MEDAG: variants seen among roughly 807,000 people sequenced by gnomAD.
MEDAG encodes the protein mesenteric estrogen-dependent adipogenesis protein.
MEDAG carries 25 observed loss-of-function variants against 29.9 expected under a neutral mutation model. The observed-to-expected ratio is 0.84, with a 90% confidence interval of 0.61 to 1.17. The LOEUF (loss-of-function observed/expected upper bound fraction) is 1.17. MEDAG is among the 50% of genes most tolerant of loss of function. The pLI is 0.00. For synonymous variants in MEDAG, 158 were observed against 148.2 expected (o/e 1.07, Z -0.48); for missense variants, 398 against 372.9 (o/e 1.07, Z -0.56).
intron 3 of MEDAG, 105 bp from the exon 4 acceptor site, chr13:30,921,456 A>T: frequency 9.5e-7 from 1 of 1,052,138 alleles, no homozygotes; most frequent in Non-Finnish European, 1.4e-6. Flanking sequence ...AGTGAAAGGG[A>T]AATAAGAGGT....
At chr13:30,917,128 C>T (rs189845281) in intron 1 of MEDAG, among the ~76,000 whole-genome samples, 1 of 152,212 alleles carries the variant, frequency 6.6e-6, no homozygotes, top group Non-Finnish European at 1.5e-5. Context: ...GCCCAAACGA[C>T]AGATGATACT....
chr13:30,906,644 G>T lies in MEDAG; in HGVS notation c.129G>T (p.Leu43=). The part of the protein sequence containing the change: ...ALLPLAQLLR[L]QPGAFQLSGD... ...TGCCGCTGGCTCAGCTGCTGCGCCT[G>T]CAGCCCGGTGCCTTCCAGCTGAGCG... Residue 43 remains leucine (L), a synonymous_variant, in exon 1 of 5, where the codon CTG becomes CTT. Transcript: ENST00000380482. 1 of 1,574,162 alleles carries T rather than the reference G, an allele frequency of 6.4e-7. No individual in the cohort carries two copies.
In MEDAG at chr13:30,924,674, T is replaced by C. The variant is rs1209126680; in HGVS notation, c.*239T>C. 2 of 373,794 alleles carry C rather than the reference T, an allele frequency of 5.4e-6. No homozygotes were observed. The highest frequency in any genetic ancestry group is 8.6e-5 in the East Asian group (2 of 23,154). The allele number at this position is 373,794 out of a possible 1,614,324, so 23.2% of individuals were successfully genotyped here. On this transcript the variant is annotated 3_prime_UTR_variant, in exon 5 of 5. Coordinates refer to ENST00000380482, the MANE Select transcript of MEDAG (RefSeq NM_032849.4). The stretch of plus-strand genomic sequence containing the variant: ...CCAGGATGGAAAGGCCTTGGTCCCA[T>C]GGCACTGGGTGGGGCTGGGGGATAT...
chr13:30,923,172 C>T (rs1190858858), intron 4 of MEDAG, among the ~76,000 whole-genome samples: 2 of 152,154 alleles, frequency 1.3e-5, no homozygotes, highest in Non-Finnish European at 2.9e-5. Context: ...CCAACTGCCT[C>T]AGCCTCCCAA....
intron 2 of MEDAG, 39 bp downstream of exon 2, chr13:30,917,551 A>G: frequency 9.2e-7 from 1 of 1,085,102 alleles, no homozygotes; most frequent in Non-Finnish European, 1.4e-6. Context: ...ACTGCTATAA[A>G]GAAATACCTA....
At position 30,924,450 on chromosome 13, in the gene MEDAG, G is replaced by GT; in HGVS notation, c.*16dup. 6.2e-7 allele frequency: 1 copy of GT among 1,612,900 alleles called. No homozygotes were observed. The highest frequency in any genetic ancestry group is 1.1e-5 in the South Asian group (1 of 90,780). ...AATTTATCTGATTGAACTGAACATTGTAGCAGTTGCTCCCGCACTCCAGGC... is the reference window on the plus strand; with the variant it reads ...AATTTATCTGATTGAACTGAACATTGTTAGCAGTTGCTCCCGCACTCCAGGC... On this transcript the variant is annotated 3_prime_UTR_variant, in exon 5 of 5. Coordinates refer to ENST00000380482, the MANE Select transcript of MEDAG (RefSeq NM_032849.4).
chr13:30,921,417 A>T, intron 3 of MEDAG, 144 bp from the exon 4 acceptor site: 2 of 875,648 alleles, frequency 2.3e-6, no homozygotes, highest in South Asian at 4.1e-5. Flanking sequence ...TAGAAAAAAT[A>T]AAGACAACAG....
chr13:30,907,674 A>C (rs1952843047), intron 1 of MEDAG, among the ~76,000 whole-genome samples: 1 of 152,246 alleles, frequency 6.6e-6, no homozygotes, highest in Non-Finnish European at 1.5e-5. Context: ...TTGTGCTGAG[A>C]GAGCCAAGTG....
At chr13:30,908,523 G>C (rs1289891226) in intron 1 of MEDAG, among the ~76,000 whole-genome samples, 2 of 152,144 alleles carry the variant, frequency 1.3e-5, no homozygotes, top group South Asian at 4.1e-4. Context: ...CCAGGCAGAG[G>C]GGGAGGACTG....
At position 30,908,123 on chromosome 13, in the gene MEDAG, T is replaced by C. The variant is rs147244429; in HGVS notation, c.278+1330T>C. On this transcript the variant is annotated intron_variant, in intron 1 of 4. Transcript: ENST00000380482. The stretch of plus-strand genomic sequence containing the variant: ...GTTAGGGTTTTGACAGAACCAGTTC[T>C]CCTAATTGTAGCAAACAGTGCTGCA... 6.6e-5 allele frequency among the ~76,000 whole-genome samples: 10 copies of C among 152,342 alleles called. No individual in the cohort carries two copies. In the East Asian group the frequency reaches 1.9e-3, roughly 29 times the overall value.
rs529038928 is a variant in MEDAG at position 30,910,543 on chromosome 13, G to C, written c.278+3750G>C. On this transcript the variant is annotated intron_variant, in intron 1 of 4. Coordinates refer to ENST00000380482, the MANE Select transcript of MEDAG (RefSeq NM_032849.4). ...AGAACCAGGAGAACCTATGCTTTCA[G>C]CAAATTACTTTGAACCTGAAATAAT... 2.8e-4 allele frequency among the ~76,000 whole-genome samples: 42 copies of C among 152,330 alleles called. 3 individuals are homozygous for C. The South Asian group carries it at 6.2e-3, about 23-fold the overall frequency.
chr13:30,921,131 G>A lies in MEDAG; in HGVS notation c.501+5G>A. ...GGAGAAAGTTACCGGCTTCAGGTAA[G>A]CCTAGCCTGTCTGAATCCAGGGCTG... is the stretch of plus-strand genomic sequence containing the variant. On this transcript the variant is annotated splice_donor_5th_base_variant and intron_variant, in intron 3 of 4. Coordinates refer to ENST00000380482, the MANE Select transcript of MEDAG (RefSeq NM_032849.4). 6.2e-7 allele frequency: 1 copy of A among 1,608,774 alleles called. No individual in the cohort carries two copies.
intron 2 of MEDAG, among the ~76,000 whole-genome samples, chr13:30,918,050 C>A (rs1256993370): frequency 6.6e-6 from 1 of 152,136 alleles, no homozygotes; most frequent in East Asian, 1.9e-4. Flanking sequence ...CACATGCCTG[C>A]AGAACAAACC....
At chr13:30,914,673 GA>G (rs889367754) in intron 1 of MEDAG, among the ~76,000 whole-genome samples, 2 of 152,060 alleles carry the variant, frequency 1.3e-5, no homozygotes, top group Non-Finnish European at 2.9e-5. Context: ...CAGTAGCATT[GA>G]AAAAAGCCTT....
In MEDAG at chr13:30,918,602, A is replaced by G. The variant is rs546479899; in HGVS notation, c.388+1090A>G. Among the ~76,000 whole-genome samples, 31 of 152,306 alleles carry G rather than the reference A, an allele frequency of 2.0e-4. 2 individuals carry two copies. The South Asian group carries it at 6.4e-3, about 32-fold the overall frequency. On this transcript the variant is annotated intron_variant, in intron 2 of 4. Coordinates refer to ENST00000380482, the MANE Select transcript of MEDAG (RefSeq NM_032849.4). ...ATTTTGCCTTCCTCCTCCTGCTCAG[A>G]ATGATATGTGGGGGAAGTCATGGGC...
At chr13:30,907,894 GTGAGGGCTCT>G (rs1952845476) in intron 1 of MEDAG, among the ~76,000 whole-genome samples, 1 of 152,250 alleles carries the variant, frequency 6.6e-6, no homozygotes, top group African/African-American at 2.4e-5. Flanking sequence ...TCCAAAGATA[GTGAGGGCTCT>G]GAATGCCTGA....
chr13:30,921,952 A>C, intron 4 of MEDAG, 106 bp downstream of exon 4: 1 of 1,213,772 alleles, frequency 8.2e-7, no homozygotes, highest in South Asian at 1.6e-5. Context: ...CTATTAATGA[A>C]AGGGAAATAG....
intron 1 of MEDAG, among the ~76,000 whole-genome samples, chr13:30,911,579 T>C (rs1411608520): frequency 2.0e-5 from 3 of 152,026 alleles, no homozygotes; most frequent in African/African-American, 7.2e-5. Flanking sequence ...ACAATATCTC[T>C]CCTACTACCC....
In MEDAG at chr13:30,921,824, A is replaced by G. The variant is rs745756497; in HGVS notation, c.765A>G (p.Arg255=). 3 of 1,608,864 alleles carry G rather than the reference A, an allele frequency of 1.9e-6. No individual in the cohort carries two copies. Among genetic ancestry groups the G allele is most frequent in the Middle Eastern group, 1.7e-4 (1 of 6,030 alleles). The change falls in exon 4 of 5, where the codon CGA becomes CGG. Residue 255 remains arginine (R), a synonymous_variant. Coordinates refer to ENST00000380482, the MANE Select transcript of MEDAG (RefSeq NM_032849.4). The part of the protein sequence containing the change: ...PLIRRSSFSD[R]KFSVTSRGSI... ...TCCGAAGGAGCAGTTTCTCTGACCG[A>G]AAGTTCAGTGTAACTTCCAGAGGTA...
Sources: allele counts gnomAD v4.1 joint callset (sites outside exome capture counted in the v4.1 genomes callset), GRCh38; gene constraint gnomAD v4.1.1; transcripts MANE v1.5; gene names NCBI Gene and HGNC (gene_info 2026-07-23, HGNC 2026-07-21).